The following ZNF423 variants were observed in gnomAD, a reference collection of about 807,000 sequenced individuals.
ZNF423 encodes zinc finger protein 423.
In ZNF423, 12 loss-of-function variants were observed where a neutral mutation model predicts 95.8. The observed-to-expected ratio is 0.13, with a 90% CI of 0.08 to 0.20. The LOEUF is 0.20. Ranked by LOEUF, ZNF423 falls within the 10% of genes least tolerant of loss-of-function variation. The probability of loss-of-function intolerance (pLI) is 1.00; values close to 1 mark genes in which losing one functional copy is unlikely to be tolerated. For missense variants in ZNF423, 1,316 were observed against 1,737.1 expected, an observed-to-expected ratio of 0.76 and a Z score of 4.31; for synonymous variants, 749 against 711.9, an observed-to-expected ratio of 1.05 and a Z score of -0.83.
chr16:49,598,177 G>A (rs1308169648), intron 5 of ZNF423, among the ~76,000 whole-genome samples: 1 of 150,686 alleles, frequency 6.6e-6, no homozygotes, highest in Admixed American at 6.6e-5. Flanking sequence ...GGAGTGGTGA[G>A]AAGGACACAT....
intron 3 of ZNF423, among the ~76,000 whole-genome samples, chr16:49,671,650 G>C: frequency 6.6e-6 from 1 of 152,168 alleles, no homozygotes; most frequent in East Asian, 1.9e-4. Flanking sequence ...CAATTATTCC[G>C]GGAGAGGTGC....
rs566423327 is a variant in ZNF423, at chr16:49,491,057, T to C, written c.*218A>G. The C allele has an allele frequency of 1.0e-4, 60 of 595,344 alleles. No homozygotes were observed. The East Asian group carries it at 1.4e-3, about 14-fold the overall frequency. 36.9% of individuals were successfully genotyped at this position (595,344 alleles called of 1,614,324 possible). ...GGAAAGTCTAAAAGCACACTAGCTG[T>C]AGCAGGACAATAAAAAATACTGAGC... On this transcript the variant is annotated 3_prime_UTR_variant, in exon 8 of 8. Coordinates refer to ENST00000563137, the MANE Select transcript of ZNF423 (RefSeq NM_001379286.1).
chr16:49,636,296 G>A lies in ZNF423; in HGVS notation c.2880C>T (p.His960=), dbSNP rs148363876. The A allele has an allele frequency of 3.1e-6, 5 of 1,612,734 alleles. No individual in the cohort carries two copies. Among genetic ancestry groups the A allele is most frequent in the Non-Finnish European group, 3.4e-6 (4 of 1,180,038 alleles). The part of the protein sequence containing the change: ...ENGLREHLQT[H]RGPAKHYMCP... ...ACATGTAGTGCTTGGCAGGGCCCCG[G>A]TGCGTCTGCAGGTGCTCCCGTAGCC... The change falls in exon 4 of 8, where the codon CAC becomes CAT. Residue 960 remains histidine, a synonymous_variant. Coordinates refer to ENST00000563137, the MANE Select transcript of ZNF423 (RefSeq NM_001379286.1). This position sits in a 1 kb window ranked among gnomAD's most constrained non-coding sequence, Gnocchi z 8.6.
At chr16:49,639,061 C>T (rs749791541) in intron 3 of ZNF423, among the ~76,000 whole-genome samples, 187 bp from the exon 4 acceptor site, 11 of 152,192 alleles carry the variant, frequency 7.2e-5, no homozygotes, top group South Asian at 2.1e-4. Context: ...GCAGAGGGCA[C>T]GCCAGAGGGG....
chr16:49,545,688 T>C (rs1375319603), intron 5 of ZNF423, among the ~76,000 whole-genome samples: 1 of 152,226 alleles, frequency 6.6e-6, no homozygotes, highest in African/African-American at 2.4e-5. Context: ...GTGGGCAGAA[T>C]GTATTTGCCT....
intron 7 of ZNF423, among the ~76,000 whole-genome samples, chr16:49,522,434 C>T (rs1239136129): frequency 1.3e-5 from 2 of 152,056 alleles, no homozygotes; most frequent in Non-Finnish European, 2.9e-5. Context: ...GGGCCTGGGT[C>T]ACTAAGTGAA....
intron 2 of ZNF423, among the ~76,000 whole-genome samples, chr16:49,750,198 A>C (rs1396800177): frequency 6.6e-6 from 1 of 152,002 alleles, no homozygotes; most frequent in Non-Finnish European, 1.5e-5. Flanking sequence ...GGAAATTCCT[A>C]CTCTGGGAAT....
intron 2 of ZNF423, among the ~76,000 whole-genome samples, chr16:49,750,750 G>A (rs570066655): frequency 5.9e-5 from 9 of 152,296 alleles, no homozygotes; most frequent in East Asian, 3.9e-4. Context: ...AGTGATCAGC[G>A]CATCCAAGGA....
At chr16:49,762,269 G>A (rs764482734) in intron 2 of ZNF423, among the ~76,000 whole-genome samples, 1 of 152,194 alleles carries the variant, frequency 6.6e-6, no homozygotes, top group Non-Finnish European at 1.5e-5. Context: ...ATTAGTCATG[G>A]TGCACGTCCC....
At chr16:49,798,328 T>G (rs561029488) in intron 1 of ZNF423, among the ~76,000 whole-genome samples, 40 of 152,220 alleles carry the variant, frequency 2.6e-4, no homozygotes, top group Admixed American at 7.8e-4. Context: ...GCCAACATAA[T>G]GAAACCCCAT....
At chr16:49,546,682 G>C (rs1969455303) in intron 5 of ZNF423, among the ~76,000 whole-genome samples, 1 of 152,092 alleles carries the variant, frequency 6.6e-6, no homozygotes, top group South Asian at 2.1e-4. Flanking sequence ...GTCATCAGGG[G>C]GCACAGAATT....
chr16:49,662,778 G>A (rs1183671293), intron 3 of ZNF423, among the ~76,000 whole-genome samples: 1 of 152,222 alleles, frequency 6.6e-6, no homozygotes, highest in Non-Finnish European at 1.5e-5. Flanking sequence ...AGAATCTAGA[G>A]AGAGAGGATC....
At chr16:49,581,988 CTCTT>C (rs1362868800) in intron 5 of ZNF423, among the ~76,000 whole-genome samples, 1 of 152,210 alleles carries the variant, frequency 6.6e-6, no homozygotes, top group East Asian at 1.9e-4. Context: ...CTCTCTCGCT[CTCTT>C]TATTTTGGTT....
At chr16:49,666,339 C>T (rs892371051) in intron 3 of ZNF423, among the ~76,000 whole-genome samples, 2 of 152,202 alleles carry the variant, frequency 1.3e-5, no homozygotes, top group African/African-American at 2.4e-5. Flanking sequence ...CACCTGCCTT[C>T]GACAGAGGCG....
chr16:49,702,461 C>T (rs1188801661), intron 3 of ZNF423, among the ~76,000 whole-genome samples: 2 of 152,186 alleles, frequency 1.3e-5, no homozygotes, highest in Non-Finnish European at 1.5e-5. Context: ...GTATCCCTGC[C>T]GAGGGCTTTA....
intron 1 of ZNF423, among the ~76,000 whole-genome samples, chr16:49,832,695 A>G (rs941206402): frequency 2.0e-5 from 3 of 152,140 alleles, no homozygotes; most frequent in African/African-American, 7.2e-5. Context: ...GAGAGGACCC[A>G]CTGCAAGCAG....
At chr16:49,620,677 G>A (rs1272836365) in intron 5 of ZNF423, among the ~76,000 whole-genome samples, 1 of 152,142 alleles carries the variant, frequency 6.6e-6, no homozygotes, top group Non-Finnish European at 1.5e-5. Flanking sequence ...GGCCCGTGAG[G>A]CCCTGCGTGA....
intron 7 of ZNF423, among the ~76,000 whole-genome samples, chr16:49,491,542 C>CTTTTTT (rs35641691): frequency 2.7e-5 from 3 of 111,222 alleles, no homozygotes; most frequent in African/African-American, 7.1e-5. Flanking sequence ...TGTTTTTTGG[C>CTTTTTT]TTTTTTTTTT....
At chr16:49,628,751 G>A (rs12923225) in intron 4 of ZNF423, among the ~76,000 whole-genome samples, 4 of 152,178 alleles carry the variant, frequency 2.6e-5, no homozygotes, top group Non-Finnish European at 5.9e-5. Flanking sequence ...ACACACAGGG[G>A]CTAGTACCAG....
Sources: allele counts gnomAD v4.1 joint callset (sites outside exome capture counted in the v4.1 genomes callset), GRCh38; gene constraint gnomAD v4.1.1; non-coding constraint Gnocchi (gnomAD v3.1); transcripts MANE v1.5; gene names NCBI Gene and HGNC (gene_info 2026-07-23, HGNC 2026-07-21).